The following LSAMP variants were observed in gnomAD, a reference collection of about 807,000 sequenced individuals.
LSAMP encodes limbic system associated membrane protein, also known as limbic system-associated membrane protein.
In LSAMP, 7 loss-of-function variants were observed where a neutral mutation model predicts 38.6. That is an observed-to-expected ratio of 0.18 (90% CI 0.10 to 0.34). LSAMP has a LOEUF of 0.34. Among genes scored for constraint, LSAMP ranks in the 10% least tolerant of loss-of-function variants. The pLI, the probability that LSAMP is intolerant of heterozygous loss-of-function variation, is 1.00. For missense variants in LSAMP, 313 were observed against 420.0 expected (o/e 0.75, Z 2.23); for synonymous variants, 154 against 166.8 (o/e 0.92, Z 0.59).
chr3:116,355,100 G>A (rs1040079791), intron 1 of LSAMP, among the ~76,000 whole-genome samples: 1 of 151,738 alleles, frequency 6.6e-6, no homozygotes, highest in South Asian at 2.1e-4. Flanking sequence ...ACATTAACTT[G>A]TTCTTTACCA....
intron 1 of LSAMP, among the ~76,000 whole-genome samples, chr3:116,148,874 A>G (rs1417184576): frequency 6.6e-6 from 1 of 152,002 alleles, no homozygotes; most frequent in African/African-American, 2.4e-5. Flanking sequence ...CTGATTTTGG[A>G]CAACAGCACC....
At chr3:116,158,703 C>G (rs905709619) in intron 1 of LSAMP, among the ~76,000 whole-genome samples, 6 of 151,990 alleles carry the variant, frequency 3.9e-5, no homozygotes, top group African/African-American at 1.4e-4. Flanking sequence ...TCAGAGATGA[C>G]ACAAACATAT....
intron 1 of LSAMP, among the ~76,000 whole-genome samples, chr3:116,293,135 C>T (rs1449769350): frequency 6.6e-6 from 1 of 152,168 alleles, no homozygotes; most frequent in Non-Finnish European, 1.5e-5. Context: ...AAGAACATCT[C>T]TTTTGGATGT....
chr3:115,895,426 A>G lies in LSAMP; in HGVS notation c.515-42809T>C, dbSNP rs142607806. On this transcript the variant is annotated intron_variant, in intron 3 of 6. Transcript: ENST00000490035. Reference sequence around the variant, plus strand: ...AAGGGTCTCCACAGGGATGGCAGAAACGCTGTTGGTTTCACAAACTGGCTG... The same window carrying G: ...AAGGGTCTCCACAGGGATGGCAGAAGCGCTGTTGGTTTCACAAACTGGCTG... 5.4e-4 allele frequency among the ~76,000 whole-genome samples: 82 copies of G among 152,190 alleles called. 1 individual carries two copies. In the East Asian group the frequency reaches 0.014, roughly 26 times the overall value.
At chr3:116,139,698 T>A (rs540462477) in intron 1 of LSAMP, among the ~76,000 whole-genome samples, 1 of 152,086 alleles carries the variant, frequency 6.6e-6, no homozygotes, top group South Asian at 2.1e-4. Flanking sequence ...CAATATATTA[T>A]AGCACACATG....
At chr3:116,032,321 TG>T (rs1346246170) in intron 2 of LSAMP, among the ~76,000 whole-genome samples, 1 of 152,134 alleles carries the variant, frequency 6.6e-6, no homozygotes, top group African/African-American at 2.4e-5. Flanking sequence ...CCATACCACA[TG>T]CCCGTGTGAT....
At chr3:116,053,253 T>C (rs565984370) in intron 2 of LSAMP, among the ~76,000 whole-genome samples, 106 of 152,226 alleles carry the variant, frequency 7.0e-4, no homozygotes, top group Non-Finnish European at 1.3e-3. Context: ...AATGAATGCT[T>C]AGTGTCAGCT....
chr3:116,193,726 G>C (rs1286777030), intron 1 of LSAMP, among the ~76,000 whole-genome samples: 1 of 152,024 alleles, frequency 6.6e-6, no homozygotes, highest in African/African-American at 2.4e-5. Context: ...CAAAATGTAG[G>C]AAAATACATC....
chr3:116,405,340 T>C (rs1223979653), intron 1 of LSAMP, among the ~76,000 whole-genome samples: 1 of 152,090 alleles, frequency 6.6e-6, no homozygotes, highest in African/African-American at 2.4e-5. Flanking sequence ...ATTATTTCTA[T>C]GAGGAACATG....
chr3:116,128,601 C>T (rs540326127), intron 1 of LSAMP, among the ~76,000 whole-genome samples: 3 of 152,214 alleles, frequency 2.0e-5, no homozygotes, highest in Non-Finnish European at 4.4e-5. Flanking sequence ...AATGTCTGTG[C>T]TGCCACTCAC....
At chr3:116,177,311 A>T (rs1046554623) in intron 1 of LSAMP, among the ~76,000 whole-genome samples, 1 of 152,084 alleles carries the variant, frequency 6.6e-6, no homozygotes, top group Non-Finnish European at 1.5e-5. Flanking sequence ...TGGATCCTAC[A>T]TTTTATAAGT....
At chr3:116,341,137 A>G (rs1229121730) in intron 1 of LSAMP, among the ~76,000 whole-genome samples, 1 of 152,028 alleles carries the variant, frequency 6.6e-6, no homozygotes, top group Non-Finnish European at 1.5e-5. Flanking sequence ...GCATAGATAA[A>G]ATGGAGTCTC....
chr3:115,971,267 A>C (rs1374749774), intron 3 of LSAMP, among the ~76,000 whole-genome samples: 3 of 152,186 alleles, frequency 2.0e-5, no homozygotes, highest in Non-Finnish European at 4.4e-5. Flanking sequence ...ATGCCTGTAC[A>C]TGTTGTTGTT....
intron 3 of LSAMP, among the ~76,000 whole-genome samples, chr3:115,961,939 AAGAT>A (rs1408487515): frequency 1.3e-5 from 2 of 152,158 alleles, no homozygotes; most frequent in Admixed American, 6.5e-5. Flanking sequence ...AGGTGCCTAA[AAGAT>A]AGCTGCATGG....
intron 3 of LSAMP, among the ~76,000 whole-genome samples, chr3:115,985,069 AG>A (rs1939471103): frequency 6.6e-6 from 1 of 152,200 alleles, no homozygotes; most frequent in Non-Finnish European, 1.5e-5. Context: ...CAGAGCCAAA[AG>A]GCTTTTATTT....
intron 2 of LSAMP, among the ~76,000 whole-genome samples, chr3:116,077,624 T>C (rs1313278828): frequency 6.6e-6 from 1 of 152,208 alleles, no homozygotes; most frequent in East Asian, 1.9e-4. Context: ...CACTTTCACT[T>C]TGAAATAATT....
chr3:115,908,577 G>A (rs1937066052), intron 3 of LSAMP, among the ~76,000 whole-genome samples: 1 of 152,080 alleles, frequency 6.6e-6, no homozygotes, highest in Non-Finnish European at 1.5e-5. Flanking sequence ...TTTTTACTCT[G>A]TGATGTTACA....
chr3:116,276,402 A>G (rs1283960869), intron 1 of LSAMP, among the ~76,000 whole-genome samples: 2 of 152,220 alleles, frequency 1.3e-5, no homozygotes, highest in Non-Finnish European at 2.9e-5. Context: ...TAGAAATTTC[A>G]TAAATAGCAA....
rs1384719531 is a variant in LSAMP at position 115,802,540 on chromosome 3, A to G, written c.*7777T>C. On this transcript the variant is annotated 3_prime_UTR_variant, in exon 7 of 7. Coordinates refer to ENST00000490035, the MANE Select transcript of LSAMP (RefSeq NM_002338.5). ...TTTTAATTTTAATTTTTTTTTTTTA[A>G]CACACATTGCGCTTTTTATCTCCTT... 3 of 145,156 alleles carry G rather than the reference A, an allele frequency of 2.1e-5. No individual in the cohort carries two copies. Among genetic ancestry groups the G allele is most frequent in the Non-Finnish European group, 4.5e-5 (3 of 67,160 alleles). The allele number at this position is 145,156 out of a possible 1,614,324, so 9.0% of individuals were successfully genotyped here. A position where few individuals can be genotyped will look rare whatever the true frequency, so the allele number is the denominator to read the frequency against.
Sources: allele counts gnomAD v4.1 joint callset (sites outside exome capture counted in the v4.1 genomes callset), GRCh38; gene constraint gnomAD v4.1.1; transcripts MANE v1.5; gene names NCBI Gene and HGNC (gene_info 2026-07-23, HGNC 2026-07-21).